ZNF567: variants seen among roughly 807,000 people sequenced by gnomAD.
ZNF567 encodes zinc finger protein 567.
A neutral mutation model predicts 53.9 loss-of-function variants in ZNF567; 36 were observed. The ratio of observed to expected loss-of-function variants is 0.67; its 90% CI spans 0.51 to 0.88. The LOEUF is 0.88. Among genes scored for constraint, ZNF567 ranks in the 40% least tolerant of loss-of-function variants. ZNF567 has a pLI of 0.00. For synonymous variants in ZNF567, 224 were observed against 260.4 expected (o/e 0.86, Z 1.35); for missense variants, 619 against 764.7 (o/e 0.81, Z 2.25).
the ZNF567 span, among the ~76,000 whole-genome samples, chr19:36,672,609 C>T: frequency 6.6e-6 from 1 of 152,200 alleles, no homozygotes; most frequent in South Asian, 2.1e-4. Flanking sequence ...CTGCTGAGTG[C>T]CCAGTCTGCT....
chr19:36,672,224 G>A, the ZNF567 span, among the ~76,000 whole-genome samples: 1 of 152,210 alleles, frequency 6.6e-6, no homozygotes, highest in African/African-American at 2.4e-5. Flanking sequence ...AGCCAGATGT[G>A]ACATTATATA....
downstream of ZNF567, among the ~76,000 whole-genome samples, chr19:36,726,477 C>G (rs2040335349): frequency 6.6e-6 from 1 of 152,186 alleles, no homozygotes; most frequent in African/African-American, 2.4e-5. Context: ...TCCCACTCAC[C>G]TTCTACTGAC....
intron 5 of ZNF567, among the ~76,000 whole-genome samples, chr19:36,716,822 A>T (rs1328920866): frequency 1.3e-5 from 2 of 152,112 alleles, no homozygotes; most frequent in Non-Finnish European, 2.9e-5. Flanking sequence ...GTATGCAGTG[A>T]TCATGTAAAA....
chr19:36,706,081 T>G (rs541800851), intron 3 of ZNF567, among the ~76,000 whole-genome samples: 3 of 152,168 alleles, frequency 2.0e-5, no homozygotes, highest in Admixed American at 1.3e-4. Context: ...TCAGGCAGGT[T>G]TGGGTTTCTG....
At chr19:36,696,007 C>T (rs754544864) in intron 3 of ZNF567, among the ~76,000 whole-genome samples, 1 of 152,162 alleles carries the variant, frequency 6.6e-6, no homozygotes, top group Non-Finnish European at 1.5e-5. Flanking sequence ...TTCTTCTCTA[C>T]CTTCAGTTTT....
chr19:36,711,541 C>T (rs2039789388), intron 3 of ZNF567: 1 of 152,184 alleles, frequency 6.6e-6, no homozygotes, highest in Non-Finnish European at 1.5e-5. Flanking sequence ...TATTGTATGG[C>T]ATGTGCACAT....
intron 2 of ZNF567, among the ~76,000 whole-genome samples, chr19:36,693,875 GA>G (rs1036249289): frequency 2.6e-5 from 4 of 151,798 alleles, no homozygotes; most frequent in African/African-American, 9.7e-5. Context: ...TTTTTACATA[GA>G]AAAAAAACAG....
At chr19:36,694,942 G>A (rs1240742250) in intron 3 of ZNF567, 66 bp downstream of exon 3, 3 of 1,471,008 alleles carry the variant, frequency 2.0e-6, no homozygotes, top group Non-Finnish European at 1.8e-6. Context: ...GGATATTTGG[G>A]CATGTGTCGG....
At position 36,719,303 on chromosome 19, in the gene ZNF567, T is replaced by A; in HGVS notation, c.579T>A (p.His193Gln). The A allele has an allele frequency of 6.2e-7, 1 of 1,613,866 alleles. No homozygotes were observed. The highest frequency in any genetic ancestry group is 1.3e-5 in the African/African-American group (1 of 75,030). The change falls in exon 6 of 6, where the codon CAT becomes CAA. Residue 193 changes from histidine (H) to glutamine (Q), a missense_variant. By Grantham distance (24) the His-to-Gln change is conservative. Coordinates refer to ENST00000682579, the MANE Select transcript of ZNF567 (RefSeq NM_001322917.1). ...ATCAAAGTGCCAGAGCTTTCAGTCATAATGAAGTTCTTATGCAGTATCAGA... is the reference window on the plus strand; with the variant it reads ...ATCAAAGTGCCAGAGCTTTCAGTCAAAATGAAGTTCTTATGCAGTATCAGA... ...SHNQSARAFS[H>Q]NEVLMQYQKT...
chr19:36,719,405 A>C lies in ZNF567; in HGVS notation c.681A>C (p.Thr227=), dbSNP rs888392743. 3 of 1,613,868 alleles carry C rather than the reference A, an allele frequency of 1.9e-6. No homozygotes were observed. The highest frequency in any genetic ancestry group is 2.5e-6 in the Non-Finnish European group (3 of 1,179,960). The change falls in exon 6 of 6, where the codon ACA becomes ACC. Residue 227 remains threonine, a synonymous_variant. Coordinates refer to ENST00000682579, the MANE Select transcript of ZNF567 (RefSeq NM_001322917.1). The part of the protein sequence containing the change: ...KSFLQRGGLI[T]HSRPYKGENP... ...TCCTTCAAAGGGGAGGCCTGATTAC[A>C]CATAGTAGACCTTACAAAGGAGAAA...
intron 3 of ZNF567, among the ~76,000 whole-genome samples, chr19:36,703,339 G>GC: frequency 6.6e-6 from 1 of 151,774 alleles, no homozygotes; most frequent in South Asian, 2.1e-4. Flanking sequence ...GCCCCTACTG[G>GC]GGGGGGTGCC....
chr19:36,702,651 CCTT>C (rs1450940750), intron 3 of ZNF567, among the ~76,000 whole-genome samples: 4 of 152,130 alleles, frequency 2.6e-5, no homozygotes. Flanking sequence ...TCTAAACTTC[CCTT>C]CTTGCTTCAT....
the ZNF567 span, among the ~76,000 whole-genome samples, chr19:36,675,805 C>T: frequency 3.3e-5 from 5 of 152,254 alleles, no homozygotes; most frequent in East Asian, 1.9e-4. Flanking sequence ...GCCATGTTCA[C>T]GCTGCTGCAC....
At chr19:36,675,806 G>A in the ZNF567 span, among the ~76,000 whole-genome samples, 3 of 152,080 alleles carry the variant, frequency 2.0e-5, no homozygotes, top group Non-Finnish European at 4.4e-5. Context: ...CCATGTTCAC[G>A]CTGCTGCACT....
chr19:36,712,439 G>C lies in ZNF567; in HGVS notation c.63G>C (p.Gln21His). ...TGGACTTCACTCAGGAGGAGTGGCA[G>C]CACCTGGATCATGCTCAGAAGACTC... The part of the protein sequence containing the change: ...VTVDFTQEEW[Q>H]HLDHAQKTLY... Residue 21 changes from glutamine to histidine, a missense_variant, in exon 4 of 6, where the codon CAG becomes CAC. By Grantham distance (24) the Gln-to-His change is conservative (BLOSUM62 0). Transcript: ENST00000682579. The C allele has an allele frequency of 6.2e-7, 1 of 1,614,014 alleles. No individual in the cohort carries two copies. Among genetic ancestry groups the C allele is most frequent in the South Asian group, 1.1e-5 (1 of 91,068 alleles).
At chr19:36,682,630 C>T (rs868468974), upstream of ZNF567, among the ~76,000 whole-genome samples, 130 of 141,098 alleles carry the variant, frequency 9.2e-4, no homozygotes, top group African/African-American at 3.3e-3. Context: ...TTTTTTGAGA[C>T]GGAGTCTCAC....
intron 3 of ZNF567, among the ~76,000 whole-genome samples, chr19:36,707,140 A>G (rs533158758): frequency 6.6e-6 from 1 of 151,070 alleles, no homozygotes; most frequent in South Asian, 2.1e-4. Context: ...TATTTTTTCC[A>G]ATTATGTTTT....
intron 2 of ZNF567, among the ~76,000 whole-genome samples, chr19:36,690,832 A>C (rs1370056218): frequency 2.0e-5 from 3 of 152,222 alleles, no homozygotes; most frequent in African/African-American, 7.2e-5. Context: ...GCTGTCATTT[A>C]AAAAATCTTG....
upstream of ZNF567, among the ~76,000 whole-genome samples, chr19:36,686,188 T>G (rs1426018566): frequency 6.6e-6 from 1 of 152,172 alleles, no homozygotes; most frequent in Non-Finnish European, 1.5e-5. Context: ...AAATACTCCC[T>G]TGCTGAAAAA....
Sources: gnomAD v4.1 joint callset for allele counts (sites outside exome capture counted in the v4.1 genomes callset) on GRCh38, gnomAD v4.1.1 for gene constraint, MANE v1.5 for transcripts, NCBI Gene and HGNC (gene_info 2026-07-23, HGNC 2026-07-21) for gene names.